AHRR: variants seen among roughly 807,000 people sequenced by gnomAD.
AHRR encodes aryl hydrocarbon receptor repressor, also known as ahR repressor.
Under a neutral mutation model 44.0 loss-of-function variants are expected in AHRR, and 28 were observed. The ratio of observed to expected loss-of-function variants is 0.64; its 90% CI spans 0.47 to 0.87. The LOEUF (loss-of-function observed/expected upper bound fraction) is 0.87, where lower values mean the gene tolerates loss of function less well. AHRR is among the 40% of genes least tolerant of loss of function. AHRR has a pLI of 0.00. For missense variants in AHRR, 990 were observed against 953.9 expected, an observed-to-expected ratio of 1.04 and a Z score of -0.50; for synonymous variants, 434 against 407.0, an observed-to-expected ratio of 1.07 and a Z score of -0.80.
At chr5:333,568 C>T (rs1742014186) in intron 1 of AHRR, among the ~76,000 whole-genome samples, 1 of 152,090 alleles carries the variant, frequency 6.6e-6, no homozygotes. Flanking sequence ...TGCACTCCAG[C>T]CTGGGTGACA....
chr5:331,027 C>A (rs1211378669), intron 1 of AHRR, among the ~76,000 whole-genome samples: 16 of 151,928 alleles, frequency 1.1e-4, no homozygotes, highest in African/African-American at 3.9e-4. Context: ...CAGGCGCGTG[C>A]CACCATGCCC....
At chr5:363,592 C>T (rs1036973732) in intron 3 of AHRR, among the ~76,000 whole-genome samples, 1 of 152,220 alleles carries the variant, frequency 6.6e-6, no homozygotes, top group African/African-American at 2.4e-5. Flanking sequence ...TTTCCACATG[C>T]AGCCTAGTTG....
intron 3 of AHRR, among the ~76,000 whole-genome samples, chr5:360,919 G>C (rs933978865): frequency 6.6e-6 from 1 of 152,166 alleles, no homozygotes; most frequent in Non-Finnish European, 1.5e-5. Flanking sequence ...ACCAGAACTT[G>C]AAGGTTTGGA....
intron 1 of AHRR, among the ~76,000 whole-genome samples, chr5:328,308 C>T (rs2126321043): frequency 7.4e-6 from 1 of 135,148 alleles, no homozygotes; most frequent in Middle Eastern, 5.4e-3. Flanking sequence ...CCCTCTGTCG[C>T]CCAGGCTGGA....
Position 411,013 on chromosome 5 carries a change from GT to G in AHRR, c.352-2321del, listed in dbSNP as rs57594473. Among the ~76,000 whole-genome samples the G allele has an allele frequency of 0.13, 19,134 of 144,672 alleles. 3,765 individuals are homozygous for G. Among genetic ancestry groups the G allele is most frequent in the African/African-American group, 0.43 (17,444 of 40,510 alleles). 94.9% of individuals were successfully genotyped at this position (144,672 alleles called of 152,430 possible). Reference sequence around the variant, plus strand: ...TTTAAACTCCTGGTGTCAGTGATTTGTTTTTTTTTTCTTGATGAGTCTTGCT... The same window carrying G: ...TTTAAACTCCTGGTGTCAGTGATTTGTTTTTTTTTCTTGATGAGTCTTGCT... On this transcript the variant is annotated intron_variant, in intron 4 of 10. Transcript: ENST00000684583. The surrounding 1 kb of genome is among the most constrained non-coding windows in gnomAD (Gnocchi z 4.2).
chr5:356,040 C>T lies in AHRR; in HGVS notation c.244+2129C>T, dbSNP rs923231133. 7.2e-5 allele frequency among the ~76,000 whole-genome samples: 11 copies of T among 152,328 alleles called. No individual in the cohort carries two copies. The South Asian group carries it at 1.0e-3, about 14-fold the overall frequency. On this transcript the variant is annotated intron_variant, in intron 3 of 10. Coordinates refer to ENST00000684583, the MANE Select transcript of AHRR (RefSeq NM_001377236.1). ...AGAGATGGGTAAGCTAATTTCATTA[C>T]GGCTGCCATAAAAAGTTGCCTTTGG... is the stretch of plus-strand genomic sequence containing the variant.
chr5:348,789 A>G (rs1742763981), intron 2 of AHRR, among the ~76,000 whole-genome samples: 2 of 152,244 alleles, frequency 1.3e-5, no homozygotes, highest in Admixed American at 1.3e-4. Flanking sequence ...ACTGTTACAA[A>G]TAAAGCTACC....
intron 1 of AHRR, among the ~76,000 whole-genome samples, chr5:340,465 C>T (rs956942112): frequency 1.3e-5 from 2 of 151,154 alleles, no homozygotes; most frequent in African/African-American, 4.9e-5. Flanking sequence ...TGCCTTGTTG[C>T]TGCATCCTCA....
intron 3 of AHRR, among the ~76,000 whole-genome samples, chr5:375,772 G>A (rs1209986419): frequency 1.3e-5 from 2 of 152,202 alleles, no homozygotes; most frequent in Non-Finnish European, 2.9e-5. Flanking sequence ...AAGCTGGGGA[G>A]GGGTGTCCCT....
At chr5:415,376 T>TAGGGGCCGAGTCTCCCTGGTCGGGC (rs1289120201) in intron 5 of AHRR, among the ~76,000 whole-genome samples, 1 of 47,082 alleles carries the variant, frequency 2.1e-5, no homozygotes, top group Non-Finnish European at 5.6e-5. Context: ...CCTGGTCGGG[T>TAGGGGCCGAGTCTCCCTGGTCGGGC]GGGAGGCCTA....
intron 7 of AHRR, among the ~76,000 whole-genome samples, chr5:424,242 G>T (rs1024842704): frequency 1.3e-5 from 2 of 150,252 alleles, no homozygotes; most frequent in Admixed American, 6.6e-5. Flanking sequence ...TGTCTCTGGT[G>T]GGGGGGCGAG....
chr5:423,556 C>T (rs55948934), intron 6 of AHRR, among the ~76,000 whole-genome samples: 40,188 of 150,938 alleles, frequency 0.27, 6,925 homozygotes, highest in Non-Finnish European at 0.39. Context: ...ACAGCAAAGC[C>T]CAGGCACCTA....
In AHRR at chr5:436,793, C is replaced by T. The variant is rs944819613; in HGVS notation, c.*1959C>T. ...TACCCAGGGGCCAGCCATGGGGTGA[C>T]CAGCCACCTGAGGGTCAGTCACCTG... is the stretch of plus-strand genomic sequence containing the variant. On this transcript the variant is annotated 3_prime_UTR_variant, in exon 11 of 11. Transcript: ENST00000684583. The T allele has an allele frequency of 2.0e-5, 3 of 152,404 alleles. No homozygotes were observed. The highest frequency in any genetic ancestry group is 7.2e-5 in the African/African-American group (3 of 41,452). 9.4% of individuals were successfully genotyped at this position (152,404 alleles called of 1,614,324 possible).
chr5:324,901 C>A (rs776389194), intron 1 of AHRR, among the ~76,000 whole-genome samples: 1 of 152,214 alleles, frequency 6.6e-6, no homozygotes, highest in African/African-American at 2.4e-5. Flanking sequence ...GCCCCTCCCC[C>A]ACACCGCCCA....
At chr5:391,328 CGCA>C (rs1734415651) in intron 4 of AHRR, among the ~76,000 whole-genome samples, 1 of 121,448 alleles carries the variant, frequency 8.2e-6, no homozygotes, top group Non-Finnish European at 1.8e-5. Context: ...CGTGCACGGG[CGCA>C]GGGCGAGGCG....
chr5:344,302 G>A (rs1163391491), intron 2 of AHRR, among the ~76,000 whole-genome samples: 1 of 150,974 alleles, frequency 6.6e-6, no homozygotes, highest in Admixed American at 6.6e-5. Context: ...CCCAGGCTCC[G>A]CAGGCGAGAC....
intron 4 of AHRR, among the ~76,000 whole-genome samples, chr5:403,407 G>A (rs992523297): frequency 9.2e-5 from 14 of 152,108 alleles, no homozygotes; most frequent in Non-Finnish European, 1.3e-4. Context: ...AGGCCAAGGC[G>A]GGTGGATCAC....
Position 430,924 on chromosome 5 carries a change from GA to G in AHRR, c.909-1535del, listed in dbSNP as rs1293477324. Among the ~76,000 whole-genome samples the G allele has an allele frequency of 3.3e-5, 5 of 152,322 alleles. No homozygotes were observed. The South Asian group carries it at 1.0e-3, about 32-fold the overall frequency. The stretch of plus-strand genomic sequence containing the variant: ...AGGGAGGAACATAGAATTCTAAAGG[GA>G]AAAGAAGTAAATGCTACATAGGTGC... On this transcript the variant is annotated intron_variant, in intron 8 of 10. Coordinates refer to ENST00000684583, the MANE Select transcript of AHRR (RefSeq NM_001377236.1).
At chr5:328,900 CATACT>C (rs1413400477) in intron 1 of AHRR, among the ~76,000 whole-genome samples, 1 of 152,098 alleles carries the variant, frequency 6.6e-6, no homozygotes, top group African/African-American at 2.4e-5. Flanking sequence ...GTTTAAGACC[CATACT>C]ATAGTCTGTG....
Sources: gnomAD v4.1 joint callset for allele counts (sites outside exome capture counted in the v4.1 genomes callset) on GRCh38, gnomAD v4.1.1 for gene constraint, Gnocchi (gnomAD v3.1) non-coding constraint, MANE v1.5 for transcripts, NCBI Gene and HGNC (gene_info 2026-07-23, HGNC 2026-07-21) for gene names.